The following ABCC2 variants were observed in gnomAD, a reference collection of about 807,000 sequenced individuals.
The protein encoded by ABCC2 is ATP binding cassette subfamily C member 2.
Under a neutral mutation model 173.4 loss-of-function variants are expected in ABCC2, and 157 were observed. That is an observed-to-expected ratio of 0.91 (90% CI 0.80 to 1.03). The LOEUF is 1.03. ABCC2 is among the 50% of genes least tolerant of loss of function. The pLI is 0.00. For missense variants in ABCC2, 1,822 were observed against 1,852.3 expected (o/e 0.98, Z 0.30); for synonymous variants, 657 against 693.5 (o/e 0.95, Z 0.83).
chr10:99,787,953 C>T (rs956076544), intron 2 of ABCC2, among the ~76,000 whole-genome samples: 2 of 152,018 alleles, frequency 1.3e-5, no homozygotes, highest in African/African-American at 2.4e-5. Flanking sequence ...GTCCCAGCTA[C>T]TCGGGAGGCT....
intron 17 of ABCC2, 127 bp downstream of exon 17, chr10:99,817,611 A>T: frequency 9.7e-7 from 1 of 1,035,616 alleles, no homozygotes; most frequent in South Asian, 1.4e-5. Flanking sequence ...TGGAATAAAC[A>T]CCAGAAATCA....
chr10:99,787,201 A>G (rs2037727390), intron 2 of ABCC2, among the ~76,000 whole-genome samples: 1 of 151,830 alleles, frequency 6.6e-6, no homozygotes, highest in Non-Finnish European at 1.5e-5. Flanking sequence ...ATATTAACAC[A>G]TATGTGCAAC....
At chr10:99,826,472 T>C (rs1564692442) in intron 19 of ABCC2, among the ~76,000 whole-genome samples, 1 of 151,692 alleles carries the variant, frequency 6.6e-6, no homozygotes, top group Non-Finnish European at 1.5e-5. Context: ...GGTAGGGCTC[T>C]TTCGAACCTT....
At chr10:99,805,247 AATCCC>A in intron 10 of ABCC2, 130 bp from the exon 11 acceptor site, 1 of 723,456 alleles carries the variant, frequency 1.4e-6, no homozygotes. Flanking sequence ...GAGGGAGGTG[AATCCC>A]ATCACTGGGC....
intron 2 of ABCC2, among the ~76,000 whole-genome samples, chr10:99,792,004 A>T (rs1037467508): frequency 7.2e-5 from 11 of 152,254 alleles, no homozygotes; most frequent in Non-Finnish European, 1.3e-4. Context: ...AAAAATCTGC[A>T]GACATATTTT....
chr10:99,836,290 G>A lies in ABCC2; in HGVS notation c.3614G>A (p.Arg1205Lys). The A allele has an allele frequency of 1.9e-6, 3 of 1,614,180 alleles. No individual in the cohort carries two copies. The highest frequency in any genetic ancestry group is 2.5e-6 in the Non-Finnish European group (3 of 1,180,022). ...GTCTTTTCCTGGATCACCTCCAACA[G>A]GTGAGGCTTCCCCTGGGTATTTACC... ...KCVFSWITSN[R>K]WLAIRLELVG... Residue 1205 changes from arginine to lysine, a missense_variant and splice_region_variant, in exon 25 of 32, where the codon AGG (arginine) becomes AAG (lysine). Transcript: ENST00000647814.
intron 1 of ABCC2, among the ~76,000 whole-genome samples, chr10:99,784,322 A>T (rs1456589037): frequency 6.6e-6 from 1 of 152,130 alleles, no homozygotes; most frequent in Non-Finnish European, 1.5e-5. Context: ...TAATTTGGCA[A>T]ATGCAGTGGT....
At chr10:99,808,326 G>C (rs993689243) in intron 13 of ABCC2, 97 bp downstream of exon 13, 1 of 1,511,334 alleles carries the variant, frequency 6.6e-7, no homozygotes, top group Admixed American at 1.7e-5. Flanking sequence ...ACTTTTGCTG[G>C]TAAACTTTCA....
At chr10:99,806,077 C>CTGTGTGTG (rs10559742) in intron 11 of ABCC2, among the ~76,000 whole-genome samples, 67 of 148,140 alleles carry the variant, frequency 4.5e-4, no homozygotes, top group Middle Eastern at 3.5e-3. Flanking sequence ...CTCTCTCTGT[C>CTGTGTGTG]TGTGTGTGTG....
chr10:99,846,686 C>T (rs570635390), intron 29 of ABCC2, among the ~76,000 whole-genome samples: 5 of 152,178 alleles, frequency 3.3e-5, no homozygotes, highest in Admixed American at 2.0e-4. Context: ...CTGCAGTGAG[C>T]GGTGTTTGTG....
intron 9 of ABCC2, among the ~76,000 whole-genome samples, chr10:99,803,699 A>C (rs1404618000): frequency 2.0e-5 from 3 of 152,206 alleles, no homozygotes; most frequent in African/African-American, 4.8e-5. Context: ...ACGAATATCT[A>C]ACCCCAACTT....
At chr10:99,797,360 C>T (rs1483329817) in intron 7 of ABCC2, 29 bp downstream of exon 7, 25 of 1,582,814 alleles carry the variant, frequency 1.6e-5, no homozygotes, top group East Asian at 9.2e-5. Flanking sequence ...TCTGTGTGAG[C>T]GCGCTGCATG....
intron 25 of ABCC2, 95 bp from the exon 26 acceptor site, chr10:99,841,872 C>T (rs765482756): frequency 5.7e-6 from 9 of 1,585,386 alleles, no homozygotes; most frequent in Non-Finnish European, 7.8e-6. Context: ...CCGATCAAGT[C>T]AAACCCTCTG....
In ABCC2 at chr10:99,795,730, AGAAAGAAG is replaced by A. The variant is rs1364116688; in HGVS notation, c.632+1270_632+1277del. Among the ~76,000 whole-genome samples the A allele has an allele frequency of 6.9e-4, 96 of 140,120 alleles. 1 individual carries two copies. The highest frequency in any genetic ancestry group is 3.5e-3 in the Middle Eastern group (1 of 284). 91.9% of individuals were successfully genotyped at this position (140,120 alleles called of 152,430 possible). On this transcript the variant is annotated intron_variant, in intron 6 of 31. Transcript: ENST00000647814. ...AGAGAGAGAGAGAGAGAAGAAAGAA[AGAAAGAAG>A]GAAAGAAAGAAAGAAAGAAAGAAAG...
intron 7 of ABCC2, among the ~76,000 whole-genome samples, chr10:99,798,451 A>G (rs1421310261): frequency 6.6e-6 from 1 of 152,200 alleles, no homozygotes; most frequent in Non-Finnish European, 1.5e-5. Flanking sequence ...GAGTACCACA[A>G]CTGGATAGCT....
At chr10:99,834,782 C>T (rs1163638243) in intron 24 of ABCC2, among the ~76,000 whole-genome samples, 1 of 152,192 alleles carries the variant, frequency 6.6e-6, no homozygotes, top group Admixed American at 6.5e-5. Context: ...CCTTCACTCC[C>T]TGGAAGCTTA....
intron 25 of ABCC2, among the ~76,000 whole-genome samples, chr10:99,841,060 C>T (rs995990922): frequency 6.6e-6 from 1 of 152,122 alleles, no homozygotes; most frequent in Non-Finnish European, 1.5e-5. Flanking sequence ...CTATGAAACC[C>T]CAGTATATCT....
chr10:99,826,519 G>C (rs2038641968), intron 19 of ABCC2, among the ~76,000 whole-genome samples: 1 of 151,412 alleles, frequency 6.6e-6, no homozygotes, highest in South Asian at 2.1e-4. Context: ...GCGCTTCCTG[G>C]GTCTTGGATT....
In ABCC2 at chr10:99,844,481, G is replaced by A. The variant is rs201692924; in HGVS notation, c.3987+16G>A. The A allele has an allele frequency of 5.3e-5, 86 of 1,612,064 alleles. 1 individual carries two copies. In the African/African-American group the frequency reaches 1.1e-3, roughly 21 times the overall value. ...CATGGAGAAGGTAGGTGGAGTGAAG[G>A]AAGGCCTGGATGGGAGGCCTTGTGA... On this transcript the variant is annotated intron_variant, in intron 28 of 31. Coordinates refer to ENST00000647814, the MANE Select transcript of ABCC2 (RefSeq NM_000392.5).
Sources: allele counts gnomAD v4.1 joint callset (sites outside exome capture counted in the v4.1 genomes callset), GRCh38; gene constraint gnomAD v4.1.1; transcripts MANE v1.5; gene names NCBI Gene and HGNC (gene_info 2026-07-23, HGNC 2026-07-21).